The following CIRSR variants were observed in gnomAD, a reference collection of about 807,000 sequenced individuals.
CIRSR encodes corepressor of RBPJ and splicing regulator.
At chr2:174,392,151 C>T in the CIRSR span, among the ~76,000 whole-genome samples, 1 of 152,192 alleles carries the variant, frequency 6.6e-6, no homozygotes, top group Non-Finnish European at 1.5e-5. Flanking sequence ...GCGCCCGCCA[C>T]CACACCCAGC....
At chr2:174,388,323 G>A in the CIRSR span, among the ~76,000 whole-genome samples, 46 of 152,058 alleles carry the variant, frequency 3.0e-4, no homozygotes, top group South Asian at 8.3e-4. Flanking sequence ...CTCAGCCTCC[G>A]GAGTAGCTGG....
the CIRSR span, among the ~76,000 whole-genome samples, chr2:174,359,876 A>G: frequency 2.0e-5 from 3 of 152,254 alleles, no homozygotes; most frequent in African/African-American, 4.8e-5. Flanking sequence ...AATACTATGC[A>G]GCCATAAAAA....
the CIRSR span, among the ~76,000 whole-genome samples, chr2:174,374,354 T>C: frequency 0.29 from 43,357 of 152,106 alleles, 6,534 homozygotes; most frequent in South Asian, 0.45. Flanking sequence ...TACGTAATAC[T>C]GTACTTTGTT....
the CIRSR span, among the ~76,000 whole-genome samples, chr2:174,357,755 T>C: frequency 6.6e-6 from 1 of 152,208 alleles, no homozygotes; most frequent in African/African-American, 2.4e-5. Flanking sequence ...CCTTTCTGCT[T>C]TTAAGAAAGC....
the CIRSR span, chr2:174,358,052 T>G: frequency 6.6e-6 from 1 of 152,162 alleles, no homozygotes; most frequent in Admixed American, 6.5e-5. Context: ...AAGTTCATAC[T>G]GAAGACAGCT....
At chr2:174,358,842 A>G in the CIRSR span, among the ~76,000 whole-genome samples, 1 of 152,166 alleles carries the variant, frequency 6.6e-6, no homozygotes, top group East Asian at 1.9e-4. Flanking sequence ...TCTCTCAAGG[A>G]GCTGGGATTA....
the CIRSR span, among the ~76,000 whole-genome samples, chr2:174,360,144 G>A: frequency 6.6e-6 from 1 of 152,150 alleles, no homozygotes; most frequent in Non-Finnish European, 1.5e-5. Context: ...AACCAACATG[G>A]CACATGTATA....
chr2:174,369,871 A>C, the CIRSR span: 1 of 1,168,986 alleles, frequency 8.6e-7, no homozygotes, highest in Non-Finnish European at 1.1e-6. Flanking sequence ...CACCATAATG[A>C]TATAATAATA....
chr2:174,387,494 G>T, the CIRSR span: 1 of 508,174 alleles, frequency 2.0e-6, no homozygotes, highest in African/African-American at 2.0e-5. Flanking sequence ...TATTTTACGT[G>T]AATTATGGGT....
At chr2:174,377,824 CAAAAA>C in the CIRSR span, among the ~76,000 whole-genome samples, 1 of 60,076 alleles carries the variant, frequency 1.7e-5, no homozygotes, top group Admixed American at 2.6e-4. Flanking sequence ...GACGCCATCT[CAAAAA>C]AAAAAAAAAA....
At chr2:174,386,984 C>G in the CIRSR span, among the ~76,000 whole-genome samples, 1 of 152,122 alleles carries the variant, frequency 6.6e-6, no homozygotes, top group Non-Finnish European at 1.5e-5. Context: ...GCATGGAGTA[C>G]TCAATAAAAG....
chr2:174,376,087 C>T, the CIRSR span, among the ~76,000 whole-genome samples: 1 of 152,080 alleles, frequency 6.6e-6, no homozygotes, highest in Admixed American at 6.5e-5. Context: ...TCTCAAACTC[C>T]TGAGCTCAAG....
the CIRSR span, among the ~76,000 whole-genome samples, chr2:174,353,131 T>C: frequency 6.6e-6 from 1 of 152,180 alleles, no homozygotes; most frequent in East Asian, 1.9e-4. Flanking sequence ...AACTGTAAGT[T>C]TGCCCTAGGT....
the CIRSR span, chr2:174,378,655 T>C: frequency 2.4e-6 from 1 of 411,880 alleles, no homozygotes; most frequent in East Asian, 5.4e-5. Flanking sequence ...CCTGATAAAC[T>C]ATGTTTAATG....
chr2:174,364,313 G>T, the CIRSR span, among the ~76,000 whole-genome samples: 1 of 152,218 alleles, frequency 6.6e-6, no homozygotes, highest in African/African-American at 2.4e-5. Context: ...CAGCCCCTGT[G>T]GCTTTGCAAG....
chr2:174,361,990 A>T, the CIRSR span, among the ~76,000 whole-genome samples: 2 of 152,240 alleles, frequency 1.3e-5, no homozygotes, highest in African/African-American at 4.8e-5. Context: ...TGAAAAAATT[A>T]GCTAAATTTA....
the CIRSR span, among the ~76,000 whole-genome samples, chr2:174,367,318 G>A: frequency 2.0e-5 from 3 of 152,210 alleles, no homozygotes; most frequent in African/African-American, 2.4e-5. Context: ...GGTGGCTAAC[G>A]CCTGTATTCC....
At chr2:174,356,930 AG>A in the CIRSR span, among the ~76,000 whole-genome samples, 1 of 152,176 alleles carries the variant, frequency 6.6e-6, no homozygotes, top group Non-Finnish European at 1.5e-5. Flanking sequence ...TTTTTTTCAT[AG>A]AATATTTTAA....
At chr2:174,388,557 T>C in the CIRSR span, among the ~76,000 whole-genome samples, 2 of 152,242 alleles carry the variant, frequency 1.3e-5, no homozygotes, top group African/African-American at 4.8e-5. Flanking sequence ...ATAGTTTAAA[T>C]TATATTAACT....
Sources: gnomAD v4.1 joint callset for allele counts (sites outside exome capture counted in the v4.1 genomes callset) on GRCh38, gnomAD v4.1.1 for gene constraint, MANE v1.5 for transcripts, NCBI Gene and HGNC (gene_info 2026-07-23, HGNC 2026-07-21) for gene names.